The following COL15A1 variants were observed in gnomAD, a reference collection of about 807,000 sequenced individuals.
The protein encoded by COL15A1 is collagen type XV alpha 1 chain.
Under a neutral mutation model 165.9 loss-of-function variants are expected in COL15A1, and 111 were observed. That is an observed-to-expected ratio of 0.67 (90% CI 0.57 to 0.78). The LOEUF is 0.78. COL15A1 is among the 30% of genes least tolerant of loss of function. COL15A1 has a pLI of 0.00. For missense variants in COL15A1, 1,745 were observed against 1,789.7 expected (o/e 0.98, Z 0.45); for synonymous variants, 659 against 674.8 (o/e 0.98, Z 0.36).
intron 2 of COL15A1, 50 bp from the exon 3 acceptor site, chr9:98,985,515 G>A: frequency 6.6e-7 from 1 of 1,524,306 alleles, no homozygotes; most frequent in East Asian, 2.3e-5. Flanking sequence ...TCATTTTCAA[G>A]CAAAGTGGAA....
At position 99,038,746 on chromosome 9, in the gene COL15A1, A is replaced by G; in HGVS notation, c.2475+13A>G. 5 of 1,569,392 alleles carry G rather than the reference A, an allele frequency of 3.2e-6. No individual in the cohort carries two copies. The highest frequency in any genetic ancestry group is 4.4e-6 in the Non-Finnish European group (5 of 1,139,440). On this transcript the variant is annotated intron_variant, in intron 22 of 41. Transcript: ENST00000375001. ...GGTGGGGCCTCCGGTTGGTATCTAC[A>G]GCTGCCCCAGAATGTGGCTTTTACC...
intron 28 of COL15A1, among the ~76,000 whole-genome samples, chr9:99,048,617 G>A (rs1839533155): frequency 6.6e-6 from 1 of 151,940 alleles, no homozygotes; most frequent in Non-Finnish European, 1.5e-5. Context: ...ATGTATACAT[G>A]TGCCATTTTG....
chr9:99,034,621 T>TCC, intron 17 of COL15A1, 37 bp downstream of exon 17: 3 of 1,329,792 alleles, frequency 2.3e-6, no homozygotes, highest in Non-Finnish European at 2.9e-6. Flanking sequence ...AAAAGAACTT[T>TCC]CTTCTCCCTC....
chr9:99,052,511 GGC>G, intron 31 of COL15A1, 78 bp downstream of exon 31: 2 of 1,200,946 alleles, frequency 1.7e-6, no homozygotes, highest in Non-Finnish European at 1.2e-6. Flanking sequence ...CCCAGTGCAG[GGC>G]GCAGACTAGG....
At position 98,996,945 on chromosome 9, in the gene COL15A1, A is replaced by G. The variant is rs1316238512; in HGVS notation, c.816A>G (p.Ala272=). ...TTTCCTCCCTTCAGCCCAAAGAAGC[A>G]AAAGTTGAACCCATAAACACACCTC... ...VTYTQASPKE[A]KVEPINTPPT... Residue 272 remains alanine (A), a synonymous_variant, in exon 6 of 42, where the codon GCA becomes GCG. Coordinates refer to ENST00000375001, the MANE Select transcript of COL15A1 (RefSeq NM_001855.5). The G allele has an allele frequency of 5.0e-6, 8 of 1,613,904 alleles. No homozygotes were observed. The highest frequency in any genetic ancestry group is 6.8e-6 in the Non-Finnish European group (8 of 1,179,852).
At chr9:98,963,451 C>T (rs1837897098) in intron 2 of COL15A1, among the ~76,000 whole-genome samples, 1 of 152,150 alleles carries the variant, frequency 6.6e-6, no homozygotes, top group Non-Finnish European at 1.5e-5. Flanking sequence ...ATGTGACTCC[C>T]AACAGGTTCC....
chr9:99,056,507 C>G, intron 35 of COL15A1, 103 bp downstream of exon 35: 1 of 1,452,514 alleles, frequency 6.9e-7, no homozygotes, highest in Non-Finnish European at 9.1e-7. Flanking sequence ...TAACAGAGGG[C>G]TTTCCTGGAT....
chr9:99,047,245 T>A (rs1342310242), intron 26 of COL15A1, among the ~76,000 whole-genome samples: 1 of 152,220 alleles, frequency 6.6e-6, no homozygotes, highest in Non-Finnish European at 1.5e-5. Flanking sequence ...GGGTCCATGG[T>A]CTGGAACTCA....
At chr9:99,064,124 T>C (rs1177300015) in intron 39 of COL15A1, among the ~76,000 whole-genome samples, 1 of 151,994 alleles carries the variant, frequency 6.6e-6, no homozygotes, top group Non-Finnish European at 1.5e-5. Flanking sequence ...CCAAAACACA[T>C]ATATAGGTGA....
chr9:99,056,748 T>G (rs537032852), intron 35 of COL15A1, among the ~76,000 whole-genome samples: 2 of 152,284 alleles, frequency 1.3e-5, no homozygotes, highest in East Asian at 3.9e-4. Context: ...CAACCATGAA[T>G]CTACTTCTGT....
intron 2 of COL15A1, among the ~76,000 whole-genome samples, chr9:98,984,109 G>T (rs550218717): frequency 6.6e-6 from 1 of 152,212 alleles, no homozygotes; most frequent in African/African-American, 2.4e-5. Context: ...GACACTGCTC[G>T]ATTCTGATCC....
chr9:98,984,695 G>A (rs546234016), intron 2 of COL15A1, among the ~76,000 whole-genome samples: 1 of 152,190 alleles, frequency 6.6e-6, no homozygotes, highest in African/African-American at 2.4e-5. Context: ...TTGCCTTGAG[G>A]CCTGGGAACA....
At chr9:99,017,127 C>A (rs112689193) in intron 11 of COL15A1, among the ~76,000 whole-genome samples, 2 of 152,210 alleles carry the variant, frequency 1.3e-5, no homozygotes, top group Admixed American at 6.5e-5. Flanking sequence ...CACTCCTGTC[C>A]GCAACAAATT....
intron 28 of COL15A1, among the ~76,000 whole-genome samples, chr9:99,048,334 T>C (rs1188985836): frequency 6.6e-6 from 1 of 152,010 alleles, no homozygotes; most frequent in East Asian, 1.9e-4. Context: ...CTTTACACAG[T>C]CCCAGGGATC....
chr9:99,005,940 C>A (rs564948119), intron 9 of COL15A1, among the ~76,000 whole-genome samples: 101 of 152,326 alleles, frequency 6.6e-4, no homozygotes, highest in Non-Finnish European at 1.2e-3. Flanking sequence ...CAGGGTCTGG[C>A]CTACCTAGCC....
At chr9:99,004,258 T>C (rs1007498971) in intron 8 of COL15A1, among the ~76,000 whole-genome samples, 23 of 152,148 alleles carry the variant, frequency 1.5e-4, no homozygotes, top group Admixed American at 3.3e-4. Context: ...GGAAGCAAAC[T>C]TGGAGAAAGA....
chr9:99,011,730 A>G (rs57250694), intron 9 of COL15A1, among the ~76,000 whole-genome samples: 4,004 of 152,242 alleles, frequency 0.026, 172 homozygotes, highest in African/African-American at 0.092. Context: ...TTTAGATTCT[A>G]AATTATGACA....
intron 7 of COL15A1, 142 bp downstream of exon 7, chr9:99,001,093 G>A (rs1339141461): frequency 1.3e-5 from 8 of 637,344 alleles, no homozygotes; most frequent in African/African-American, 3.6e-5. Flanking sequence ...TGTCCTCATG[G>A]TACAGAGGAG....
At chr9:98,998,309 A>G (rs1444272984) in intron 6 of COL15A1, among the ~76,000 whole-genome samples, 2 of 152,230 alleles carry the variant, frequency 1.3e-5, no homozygotes, top group African/African-American at 2.4e-5. Context: ...TGCTTCTGCC[A>G]TCAGTTAATG....
Sources: allele counts gnomAD v4.1 joint callset (sites outside exome capture counted in the v4.1 genomes callset), GRCh38; gene constraint gnomAD v4.1.1; transcripts MANE v1.5; gene names NCBI Gene and HGNC (gene_info 2026-07-23, HGNC 2026-07-21).